BCLAF3: variants seen among roughly 807,000 people sequenced by gnomAD.
BCLAF3 encodes the protein BCLAF1 and THRAP3 family member 3.
A neutral mutation model predicts 51.2 loss-of-function variants in BCLAF3; 24 were observed. That is an observed-to-expected ratio of 0.47 (90% CI 0.34 to 0.66). BCLAF3 has a LOEUF of 0.66. BCLAF3 is among the 30% of genes least tolerant of loss of function. The probability of loss-of-function intolerance (pLI) is 0.01; values close to 1 mark genes in which losing one functional copy is unlikely to be tolerated. For synonymous variants in BCLAF3, 152 were observed against 176.6 expected, an observed-to-expected ratio of 0.86 and a Z score of 1.10; for missense variants, 465 against 525.1, an observed-to-expected ratio of 0.89 and a Z score of 1.12.
chrX:19,983,914 T>A (rs1156894555), intron 1 of BCLAF3, among the ~76,000 whole-genome samples: 1 of 94,921 alleles, frequency 1.1e-5, no homozygotes, highest in African/African-American at 3.9e-5. Context: ...GCTAAAAATA[T>A]AAAAAAATGT....
chrX:19,976,427 G>A (rs1170295252), intron 1 of BCLAF3, among the ~76,000 whole-genome samples: 4 of 111,262 alleles, frequency 3.6e-5, no homozygotes, highest in Non-Finnish European at 7.5e-5. Context: ...GTCTCGCTCT[G>A]TCACCCAGGC....
chrX:19,926,540 A>G (rs1405117890), intron 11 of BCLAF3, among the ~76,000 whole-genome samples: 1 of 111,649 alleles, frequency 9.0e-6, no homozygotes, highest in Non-Finnish European at 1.9e-5. Flanking sequence ...CAAGATATAT[A>G]GAAACTATAA....
intron 1 of BCLAF3, among the ~76,000 whole-genome samples, chrX:19,986,526 G>A (rs2072806199): frequency 8.9e-6 from 1 of 111,803 alleles, no homozygotes; most frequent in Non-Finnish European, 1.9e-5. Context: ...CTTCCCAGGA[G>A]GAAGAAGGGA....
At position 19,937,499 on chromosome X, in the gene BCLAF3, C is replaced by T; in HGVS notation, c.1779G>A (p.Lys593=). The T allele has an allele frequency of 8.7e-7, 1 of 1,155,797 alleles. No individual in the cohort carries two copies. Among genetic ancestry groups the T allele is most frequent in the East Asian group, 3.0e-5 (1 of 33,043 alleles). Residue 593 remains lysine, a synonymous_variant, in exon 9 of 12, where the codon AAG becomes AAA. Coordinates refer to ENST00000379682, the MANE Select transcript of BCLAF3 (RefSeq NM_001367774.2). ...TTTGGAATCCATCAGTATGAACATT[C>T]TTTACCTTTGAAAAACTGGAATTCT... is the stretch of plus-strand genomic sequence containing the variant. ...DDQNSSFSKV[K]NVHTDGFQKP...
At chrX:19,962,783 T>C (rs1234593506) in intron 4 of BCLAF3, among the ~76,000 whole-genome samples, 1 of 112,232 alleles carries the variant, frequency 8.9e-6, no homozygotes, top group Admixed American at 9.4e-5. Flanking sequence ...AGTAGAATGT[T>C]GGATAGAAAA....
intron 8 of BCLAF3, among the ~76,000 whole-genome samples, chrX:19,948,374 T>G (rs2071376390): frequency 8.9e-6 from 1 of 112,134 alleles, no homozygotes; most frequent in South Asian, 3.6e-4. Context: ...CAGCCATACA[T>G]AAGAATTCTC....
At chrX:19,929,654 T>G (rs1268543241) in intron 11 of BCLAF3, 131 bp downstream of exon 11, 1 of 594,765 alleles carries the variant, frequency 1.7e-6, no homozygotes, top group Non-Finnish European at 2.6e-6. Context: ...TCAACTATCA[T>G]GCAACAAGAA....
In BCLAF3 at chrX:19,966,391, C is replaced by T. The variant is rs1392225079; in HGVS notation, c.300G>A (p.Ser100=). 5 of 1,209,460 alleles carry T rather than the reference C, an allele frequency of 4.1e-6. No individual in the cohort carries two copies. Among genetic ancestry groups the T allele is most frequent in the African/African-American group, 1.8e-5 (1 of 56,984 alleles). The change falls in exon 3 of 12, where the codon TCG becomes TCA. Residue 100 remains serine (S), a synonymous_variant. Coordinates refer to ENST00000379682, the MANE Select transcript of BCLAF3 (RefSeq NM_001367774.2). ...TCCTGTTACTGTCCCCTCTTCCAGG[C>T]GAATATCCTCTGTGAGGCTTATACA... ...VYMYKPHRGY[S]PGRGDSNRRA...
At chrX:19,968,291 C>T (rs900646318) in intron 2 of BCLAF3, among the ~76,000 whole-genome samples, 25 of 112,502 alleles carry the variant, frequency 2.2e-4, no homozygotes, top group Non-Finnish European at 4.3e-4. Context: ...GCCTTGCGAG[C>T]GCCCTGTGAG....
At chrX:19,948,572 C>G (rs2071382589) in intron 8 of BCLAF3, among the ~76,000 whole-genome samples, 1 of 109,171 alleles carries the variant, frequency 9.2e-6, no homozygotes, top group Admixed American at 9.8e-5. Flanking sequence ...TTGAGACCAG[C>G]CTGGGCAACA....
chrX:19,924,309 G>C (rs1305264149), intron 11 of BCLAF3, among the ~76,000 whole-genome samples: 1 of 111,000 alleles, frequency 9.0e-6, no homozygotes, highest in Non-Finnish European at 1.9e-5. Context: ...ATCACACTAG[G>C]AAATGCTTAC....
In BCLAF3 at chrX:19,945,586, GGGGGTCA is replaced by G. The variant is rs1447013587; in HGVS notation, c.1745+5160_1745+5166del. ...GGGGTGCCTCTCAGTTAGGCTGCTC[GGGGGTCA>G]GGGGTCAGGGACCCACTTGAGGAGG... On this transcript the variant is annotated intron_variant, in intron 8 of 11. Transcript: ENST00000379682. 2.9e-4 allele frequency among the ~76,000 whole-genome samples: 23 copies of G among 78,647 alleles called. 1 individual carries two copies. Among genetic ancestry groups the G allele is most frequent in the Non-Finnish European group, 4.2e-4 (20 of 47,529 alleles). The allele number at this position is 78,647 out of a possible 115,157, so 68.3% of individuals were successfully genotyped here.
chrX:19,974,125 G>T (rs2072340861), intron 1 of BCLAF3, among the ~76,000 whole-genome samples: 1 of 111,432 alleles, frequency 9.0e-6, no homozygotes, highest in South Asian at 3.8e-4. Context: ...CTCTGTATAG[G>T]CAGCTTTCAC....
At chrX:19,948,093 G>A (rs769685242) in intron 8 of BCLAF3, among the ~76,000 whole-genome samples, 2 of 112,269 alleles carry the variant, frequency 1.8e-5, no homozygotes, top group Non-Finnish European at 1.9e-5. Flanking sequence ...TTCAGATGCT[G>A]CTGGTGGAAA....
At position 19,916,748 on chromosome X, in the gene BCLAF3, C is replaced by T. The variant is rs1011706507; in HGVS notation, c.*557G>A. 3.6e-5 allele frequency: 4 copies of T among 112,270 alleles called. No individual in the cohort carries two copies. Among genetic ancestry groups the T allele is most frequent in the African/African-American group, 9.7e-5 (3 of 30,864 alleles). 9.3% of individuals were successfully genotyped at this position (112,270 alleles called of 1,213,427 possible). A position where few individuals can be genotyped will look rare whatever the true frequency, so the allele number is the denominator to read the frequency against. On this transcript the variant is annotated 3_prime_UTR_variant, in exon 12 of 12. Coordinates refer to ENST00000379682, the MANE Select transcript of BCLAF3 (RefSeq NM_001367774.2). ...CAACTACCTGATGGAATATTTGAAG[C>T]ACCTTGTCTCTTGCCTTCTTATAAT...
At chrX:19,934,922 A>C (rs2070700044) in intron 10 of BCLAF3, among the ~76,000 whole-genome samples, 1 of 112,273 alleles carries the variant, frequency 8.9e-6, no homozygotes, top group African/African-American at 3.2e-5. Flanking sequence ...GCAGTGGCTC[A>C]AGCCTGTAAT....
At chrX:19,987,987 A>G (rs988230479) in intron 1 of BCLAF3, among the ~76,000 whole-genome samples, 1 of 112,310 alleles carries the variant, frequency 8.9e-6, no homozygotes, top group South Asian at 3.7e-4. Flanking sequence ...ACCTTCAGAA[A>G]GATGACCCTG....
intron 5 of BCLAF3, among the ~76,000 whole-genome samples, 162 bp downstream of exon 5, chrX:19,955,229 G>A (rs1337263900): frequency 1.8e-5 from 2 of 112,003 alleles, no homozygotes; most frequent in Non-Finnish European, 1.9e-5. Context: ...AACTAGGCTC[G>A]AATGAATGCC....
At chrX:19,919,879 A>AT (rs1346141648) in intron 11 of BCLAF3, among the ~76,000 whole-genome samples, 4 of 106,665 alleles carry the variant, frequency 3.8e-5, no homozygotes, top group African/African-American at 1.4e-4. Flanking sequence ...AAAAAAAAAA[A>AT]GGTTGTACAG....
Sources: allele counts gnomAD v4.1 joint callset (sites outside exome capture counted in the v4.1 genomes callset), GRCh38; gene constraint gnomAD v4.1.1; transcripts MANE v1.5; gene names NCBI Gene and HGNC (gene_info 2026-07-23, HGNC 2026-07-21).